Variants in DMD observed in about 807,000 individuals in gnomAD.
DMD encodes dystrophin, also known as mutant dystrophin.
DMD carries 63 observed loss-of-function variants against 330.1 expected under a neutral mutation model. That is an observed-to-expected ratio of 0.19 (90% CI 0.16 to 0.24). The LOEUF is 0.24. Among genes scored for constraint, DMD ranks in the 10% least tolerant of loss-of-function variants. The probability of loss-of-function intolerance (pLI) is 1.00; values close to 1 mark genes in which losing one functional copy is unlikely to be tolerated. For missense variants in DMD, 3,344 were observed against 2,684.1 expected, an observed-to-expected ratio of 1.25 and a Z score of -5.43; for synonymous variants, 1,223 against 959.8, an observed-to-expected ratio of 1.27 and a Z score of -5.07.
At chrX:32,439,536 T>C (rs1445001132) in intron 28 of DMD, among the ~76,000 whole-genome samples, 2 of 111,622 alleles carry the variant, frequency 1.8e-5, no homozygotes, top group Non-Finnish European at 3.8e-5. Context: ...ATTTTATAAG[T>C]CTTAACAAAG....
At chrX:33,242,097 G>A (rs2052595047) in intron 1 of DMD, among the ~76,000 whole-genome samples, 1 of 111,766 alleles carries the variant, frequency 8.9e-6, no homozygotes, top group Non-Finnish European at 1.9e-5. Context: ...TTGTAAATGG[G>A]ATTTTTTAAA....
In DMD at chrX:32,699,122, T is replaced by C. The variant is rs745868830; in HGVS notation, c.821A>G (p.Tyr274Cys). The change falls in exon 8 of 79, where the codon TAT (tyrosine) becomes TGT (cysteine). Residue 274 changes from tyrosine (Y) to cysteine (C), a missense_variant. Tyr to Cys is a radical substitution (Grantham distance 194). Coordinates refer to ENST00000357033, the MANE Select transcript of DMD (RefSeq NM_004006.3). ...CTTTACACACTTTACCTGTTGAGAA[T>C]AGTGCATTTGATGATGTAACTGAAA... ...EHFQLHHQMH[Y>C]SQQITVSLAQ... 9.9e-5 allele frequency: 119 copies of C among 1,207,038 alleles called. No homozygotes were observed. The highest frequency in any genetic ancestry group is 5.5e-4 in the Admixed American group (25 of 45,612).
At chrX:33,139,701 A>G (rs1446025047) in intron 1 of DMD, among the ~76,000 whole-genome samples, 1 of 109,346 alleles carries the variant, frequency 9.1e-6, no homozygotes, top group Non-Finnish European at 1.9e-5. Flanking sequence ...CATTTCCACC[A>G]TGATTTTGAG....
chrX:31,883,263 A>G (rs747243707), intron 47 of DMD, among the ~76,000 whole-genome samples: 1 of 111,812 alleles, frequency 8.9e-6, no homozygotes, highest in South Asian at 3.7e-4. Context: ...AGTCAAAACT[A>G]ATCTAGGTGT....
intron 44 of DMD, among the ~76,000 whole-genome samples, chrX:32,062,385 G>C (rs2096231853): frequency 9.0e-6 from 1 of 110,788 alleles, no homozygotes; most frequent in South Asian, 3.7e-4. Context: ...CGTGACAAGA[G>C]CTAGACACAG....
At chrX:33,112,609 A>G (rs1203404503) in intron 1 of DMD, among the ~76,000 whole-genome samples, 1 of 111,463 alleles carries the variant, frequency 9.0e-6, no homozygotes, top group Non-Finnish European at 1.9e-5. Flanking sequence ...ACTATAAAAT[A>G]ATATTTTGGT....
intron 30 of DMD, among the ~76,000 whole-genome samples, chrX:32,392,221 A>G (rs2098007939): frequency 9.0e-6 from 1 of 111,550 alleles, no homozygotes; most frequent in African/African-American, 3.3e-5. Flanking sequence ...AAAAACACTG[A>G]TGGCTTCCAA....
intron 29 of DMD, among the ~76,000 whole-genome samples, chrX:32,416,709 G>A (rs901992143): frequency 9.0e-6 from 1 of 111,720 alleles, no homozygotes; most frequent in African/African-American, 3.3e-5. Flanking sequence ...TCTTGGGATA[G>A]GAGTCCTGCA....
intron 44 of DMD, among the ~76,000 whole-genome samples, chrX:32,159,719 T>C (rs2096842299): frequency 9.0e-6 from 1 of 111,669 alleles, no homozygotes; most frequent in African/African-American, 3.3e-5. Context: ...GGGAAAAACA[T>C]GAACCGGAGC....
intron 55 of DMD, among the ~76,000 whole-genome samples, chrX:31,519,836 G>C (rs1157146727): frequency 8.9e-6 from 1 of 111,847 alleles, no homozygotes; most frequent in Non-Finnish European, 1.9e-5. Context: ...GATATAATTG[G>C]ATCTGATTCT....
chrX:32,676,159 G>A (rs1480057258), intron 9 of DMD, among the ~76,000 whole-genome samples: 5 of 111,376 alleles, frequency 4.5e-5, no homozygotes, highest in Non-Finnish European at 5.7e-5. Context: ...TACAAAGCAC[G>A]TAAAAGGGAT....
intron 1 of DMD, among the ~76,000 whole-genome samples, chrX:33,251,849 T>C (rs971092267): frequency 2.1e-4 from 23 of 111,918 alleles, no homozygotes; most frequent in African/African-American, 7.5e-4. Context: ...AAGGAAAATA[T>C]GTTTAGTTTA....
intron 2 of DMD, among the ~76,000 whole-genome samples, chrX:32,904,330 A>G (rs2086554051): frequency 9.0e-6 from 1 of 111,654 alleles, no homozygotes; most frequent in Non-Finnish European, 1.9e-5. Context: ...CTTTCAAGTC[A>G]TGTCTCCTAG....
rs1236695573 is a variant in DMD, at chrX:32,703,128, C to CCTGAGTTACCACGCTTCTAAAGCTAT, written c.650-3861_650-3836dup. ...CTCAAACTAATTAACAATGGTCTCA[C>CCTGAGTTACCACGCTTCTAAAGCTAT]CTGAGTTACCACGCTTCTAAAGCTA... is the stretch of plus-strand genomic sequence containing the variant. On this transcript the variant is annotated intron_variant, in intron 7 of 78. Transcript: ENST00000357033. Among the ~76,000 whole-genome samples, 2 of 111,444 alleles carry CCTGAGTTACCACGCTTCTAAAGCTAT rather than the reference C, an allele frequency of 1.8e-5. 1 individual carries two copies. The highest frequency in any genetic ancestry group is 6.5e-5 in the African/African-American group (2 of 30,616).
At chrX:33,253,827 C>T (rs926875000) in intron 1 of DMD, among the ~76,000 whole-genome samples, 7 of 110,834 alleles carry the variant, frequency 6.3e-5, no homozygotes, top group African/African-American at 2.3e-4. Context: ...ACTCTAATCC[C>T]CATTCTTAGT....
chrX:32,175,039 T>A (rs913921112), intron 44 of DMD, among the ~76,000 whole-genome samples: 2 of 112,307 alleles, frequency 1.8e-5, no homozygotes, highest in Admixed American at 9.4e-5. Context: ...ATAGTTGGAA[T>A]AGTTATTCTC....
At chrX:32,443,310 C>A (rs777131633) in intron 27 of DMD, among the ~76,000 whole-genome samples, 3 of 110,873 alleles carry the variant, frequency 2.7e-5, no homozygotes, top group Non-Finnish European at 5.7e-5. Flanking sequence ...ATCAGTCTCA[C>A]CTGCTTGGCA....
intron 63 of DMD, among the ~76,000 whole-genome samples, chrX:31,231,594 T>A (rs1015312459): frequency 4.4e-5 from 5 of 112,834 alleles, no homozygotes; most frequent in African/African-American, 1.6e-4. Flanking sequence ...AATATTCATA[T>A]GTAGGCCAGG....
At chrX:32,874,693 G>A (rs781440056) in intron 2 of DMD, among the ~76,000 whole-genome samples, 7 of 111,744 alleles carry the variant, frequency 6.3e-5, no homozygotes, top group Admixed American at 4.8e-4. Context: ...AGAATGCAAC[G>A]AATATGATGT....
Sources: gnomAD v4.1 joint callset for allele counts (sites outside exome capture counted in the v4.1 genomes callset) on GRCh38, gnomAD v4.1.1 for gene constraint, MANE v1.5 for transcripts, NCBI Gene and HGNC (gene_info 2026-07-23, HGNC 2026-07-21) for gene names.